The following ZC3H7B variants were observed in gnomAD, a reference collection of about 807,000 sequenced individuals.
ZC3H7B encodes zinc finger CCCH domain-containing protein 7B.
In ZC3H7B, 35 loss-of-function variants were observed where a neutral mutation model predicts 116.0. That is an observed-to-expected ratio of 0.30 (90% CI 0.23 to 0.40). The LOEUF (loss-of-function observed/expected upper bound fraction) is 0.40. Among genes scored for constraint, ZC3H7B ranks in the 10% least tolerant of loss-of-function variants. ZC3H7B has a pLI of 1.00. For synonymous variants in ZC3H7B, 502 were observed against 545.6 expected (o/e 0.92, Z 1.11); for missense variants, 1,011 against 1,321.5 (o/e 0.77, Z 3.64).
At position 41,345,902 on chromosome 22, in the gene ZC3H7B, G is replaced by A. The variant is rs2036578248; in HGVS notation, c.1460-101G>A. 2.8e-5 allele frequency: 35 copies of A among 1,243,102 alleles called. No individual in the cohort carries two copies. The South Asian group carries it at 3.5e-4, about 12-fold the overall frequency. 77.0% of individuals were successfully genotyped at this position (1,243,102 alleles called of 1,614,324 possible). ...TTGGGGTGGAGCGAAGCCCTGCCTG[G>A]CTCATGGGGCCAGAGCCCCACAGGC... On this transcript the variant is annotated intron_variant, in intron 13 of 22. Transcript: ENST00000352645.
chr22:41,311,903 C>T (rs1393457971), intron 1 of ZC3H7B, among the ~76,000 whole-genome samples: 1 of 152,058 alleles, frequency 6.6e-6, no homozygotes, highest in African/African-American at 2.4e-5. Context: ...CATATAGATT[C>T]AATAGCTGCA....
chr22:41,351,939 C>T lies in ZC3H7B; in HGVS notation c.2034+293C>T, dbSNP rs926947349. Among the ~76,000 whole-genome samples, 2 of 151,258 alleles carry T rather than the reference C, an allele frequency of 1.3e-5. No homozygotes were observed. The highest frequency in any genetic ancestry group is 4.9e-5 in the African/African-American group (2 of 40,572). ...CTGGTCTCAGGTGATCCTCCTGCCTCAGCCTCCTGAGTAGCTGGGATTACA... is the reference window on the plus strand; with the variant it reads ...CTGGTCTCAGGTGATCCTCCTGCCTTAGCCTCCTGAGTAGCTGGGATTACA... On this transcript the variant is annotated intron_variant, in intron 17 of 22. Transcript: ENST00000352645. The surrounding 1 kb of genome is among the most constrained non-coding windows in gnomAD (Gnocchi z 5.1).
intron 15 of ZC3H7B, 140 bp downstream of exon 15, chr22:41,348,307 C>T (rs1455180303): frequency 1.5e-6 from 1 of 667,410 alleles, no homozygotes; most frequent in African/African-American, 1.8e-5. Flanking sequence ...GGAATCAAAT[C>T]CAGCCTCCAC....
chr22:41,333,478 T>C (rs928678788), intron 7 of ZC3H7B: 2 of 151,936 alleles, frequency 1.3e-5, no homozygotes, highest in African/African-American at 4.8e-5. Context: ...ATACAAAAAT[T>C]AGCCGGGCAT....
At chr22:41,341,931 G>A (rs1401151650) in intron 11 of ZC3H7B, among the ~76,000 whole-genome samples, 1 of 151,904 alleles carries the variant, frequency 6.6e-6, no homozygotes, top group East Asian at 1.9e-4. Context: ...GTGTAGTGGC[G>A]GACACCTGTA....
rs2035975763 is a variant in ZC3H7B, at chr22:41,302,205, G to A, written c.-7+433G>A. On this transcript the variant is annotated intron_variant, in intron 1 of 22. Coordinates refer to ENST00000352645, the MANE Select transcript of ZC3H7B (RefSeq NM_017590.6). The surrounding 1 kb of genome is among the most constrained non-coding windows in gnomAD (Gnocchi z 5.7). The stretch of plus-strand genomic sequence containing the variant: ...TCGGGGGCTGGCAGGGGCGTCGCTG[G>A]CAGGGCCCCCCTTCCTTTTGTGTTG... Among the ~76,000 whole-genome samples, 1 of 151,970 alleles carries A rather than the reference G, an allele frequency of 6.6e-6. No individual in the cohort carries two copies. The highest frequency in any genetic ancestry group is 1.5e-5 in the Non-Finnish European group (1 of 67,942).
chr22:41,356,741 A>G lies in ZC3H7B; in HGVS notation c.2614A>G (p.Thr872Ala), dbSNP rs1402737487. The G allele has an allele frequency of 6.2e-7, 1 of 1,613,668 alleles. No homozygotes were observed. Among genetic ancestry groups the G allele is most frequent in the African/African-American group, 1.3e-5 (1 of 75,062 alleles). Residue 872 changes from threonine (T) to alanine (A), a missense_variant, in exon 22 of 23, where the codon ACG becomes GCG. This residue lies in a region of ZC3H7B where 406 missense variants were observed against 590.2 expected (regional missense o/e 0.69). Transcript: ENST00000352645. ...CGAGAAGCACAAGGAGAAGGTCTTCACGTCCGACAGTGACGCCAGCGGCTG... is the reference window on the plus strand; with the variant it reads ...CGAGAAGCACAAGGAGAAGGTCTTCGCGTCCGACAGTGACGCCAGCGGCTG... ...QSEKHKEKVF[T>A]SDSDASGWAF...
intron 1 of ZC3H7B, among the ~76,000 whole-genome samples, chr22:41,309,205 T>C (rs2036086943): frequency 6.6e-6 from 1 of 151,894 alleles, no homozygotes; most frequent in East Asian, 1.9e-4. Context: ...AGAGACGGGG[T>C]TTCACCGTGT....
chr22:41,345,621 T>C (rs1003066721), intron 13 of ZC3H7B, among the ~76,000 whole-genome samples: 1 of 152,178 alleles, frequency 6.6e-6, no homozygotes, highest in Admixed American at 6.5e-5. Flanking sequence ...TAGAGACTTG[T>C]ATACTTCTAC....
rs2036364051 is a variant in ZC3H7B, at chr22:41,330,134, G to A, written c.525+31G>A. 3 of 1,611,762 alleles carry A rather than the reference G, an allele frequency of 1.9e-6. No individual in the cohort carries two copies. In the East Asian group the frequency reaches 6.7e-5, roughly 36 times the overall value. Reference sequence around the variant, plus strand: ...TGGGTTCGGGACCCTGGGAGGGTCGGTGTGGACGTGAGGAGGTCTGAAGGG... The same window carrying A: ...TGGGTTCGGGACCCTGGGAGGGTCGATGTGGACGTGAGGAGGTCTGAAGGG... On this transcript the variant is annotated intron_variant, in intron 6 of 22. Coordinates refer to ENST00000352645, the MANE Select transcript of ZC3H7B (RefSeq NM_017590.6).
At chr22:41,309,437 C>G (rs2145897015) in intron 1 of ZC3H7B, among the ~76,000 whole-genome samples, 1 of 152,194 alleles carries the variant, frequency 6.6e-6, no homozygotes, top group East Asian at 1.9e-4. Flanking sequence ...CCTTAGCCTC[C>G]TGAGTAGCTG....
At chr22:41,310,171 G>C (rs61180871) in intron 1 of ZC3H7B, among the ~76,000 whole-genome samples, 9 of 152,124 alleles carry the variant, frequency 5.9e-5, no homozygotes, top group Non-Finnish European at 1.3e-4. Flanking sequence ...CGCCACTGCA[G>C]TCCAGCCTGG....
chr22:41,340,100 G>T lies in ZC3H7B; in HGVS notation c.1101G>T (p.Ser367=). The T allele has an allele frequency of 6.2e-7, 1 of 1,611,204 alleles. No individual in the cohort carries two copies. The change falls in exon 10 of 23, where the codon TCG becomes TCT. Residue 367 remains serine, a synonymous_variant. Transcript: ENST00000352645. ...TGGATGCACTCGACAGCTTTGGGTCGACACGAGGCTCCCTGGACAAACCTG... is the reference window on the plus strand; with the variant it reads ...TGGATGCACTCGACAGCTTTGGGTCTACACGAGGCTCCCTGGACAAACCTG... ...TRLDALDSFG[S]TRGSLDKPDS...
rs199611879 is a variant in ZC3H7B at position 41,321,829 on chromosome 22, C to CTTTTTTTTTTT, written c.53+1134_53+1144dup. 1.8e-4 allele frequency among the ~76,000 whole-genome samples: 16 copies of CTTTTTTTTTTT among 91,018 alleles called. 2 individuals carry two copies. Among genetic ancestry groups the CTTTTTTTTTTT allele is most frequent in the African/African-American group, 6.8e-4 (12 of 17,670 alleles). 59.7% of individuals were successfully genotyped at this position (91,018 alleles called of 152,430 possible). ...GACCACAAAACTCAAAACTCACATT[C>CTTTTTTTTTTT]TTTTTTTTTTTTTTTTTTTTTTTTT... On this transcript the variant is annotated intron_variant, in intron 2 of 22. Coordinates refer to ENST00000352645, the MANE Select transcript of ZC3H7B (RefSeq NM_017590.6).
intron 20 of ZC3H7B, 134 bp downstream of exon 20, chr22:41,356,196 C>G (rs997178325): frequency 6.8e-7 from 1 of 1,478,998 alleles, no homozygotes; most frequent in South Asian, 1.3e-5. Flanking sequence ...TGCCCCATGC[C>G]GGGCCCTCTC....
At chr22:41,318,729 C>T (rs1205223515) in intron 1 of ZC3H7B, among the ~76,000 whole-genome samples, 1 of 152,050 alleles carries the variant, frequency 6.6e-6, no homozygotes, top group Non-Finnish European at 1.5e-5. Context: ...GAAACCGTCT[C>T]AGAAAAGAAA....
At chr22:41,321,797 C>T (rs1180194107) in intron 2 of ZC3H7B, among the ~76,000 whole-genome samples, 1 of 149,202 alleles carries the variant, frequency 6.7e-6, no homozygotes, top group Non-Finnish European at 1.5e-5. Context: ...CTAGCCCAAG[C>T]CTGGTTGACC....
chr22:41,349,320 A>G lies in ZC3H7B; in HGVS notation c.1948+19A>G. 5 of 1,610,378 alleles carry G rather than the reference A, an allele frequency of 3.1e-6. No individual in the cohort carries two copies. The highest frequency in any genetic ancestry group is 4.2e-6 in the Non-Finnish European group (5 of 1,177,760). ...TACTCAGGTGAGGGGCAGGCGGTGC[A>G]GGTGGAGGGCAGGTGACTCAGGTGA... On this transcript the variant is annotated intron_variant, in intron 16 of 22. Transcript: ENST00000352645. The surrounding 1 kb of genome is among the most constrained non-coding windows in gnomAD (Gnocchi z 4.9).
chr22:41,316,751 T>C (rs2036188954), intron 1 of ZC3H7B, among the ~76,000 whole-genome samples: 1 of 152,008 alleles, frequency 6.6e-6, no homozygotes, highest in African/African-American at 2.4e-5. Context: ...CTTGGCTCAC[T>C]GCAACCTCTG....
Sources: allele counts gnomAD v4.1 joint callset (sites outside exome capture counted in the v4.1 genomes callset), GRCh38; gene constraint gnomAD v4.1.1; regional missense constraint gnomAD v4.1.1; non-coding constraint Gnocchi (gnomAD v3.1); transcripts MANE v1.5; gene names NCBI Gene and HGNC (gene_info 2026-07-23, HGNC 2026-07-21).